ATP1B3: variants seen among roughly 807,000 people sequenced by gnomAD.
The protein encoded by ATP1B3 is sodium/potassium-transporting ATPase subunit beta-3.
In ATP1B3, 10 loss-of-function variants were observed where a neutral mutation model predicts 30.2. The observed-to-expected ratio is 0.33, with a 90% CI of 0.20 to 0.56. The LOEUF (loss-of-function observed/expected upper bound fraction) is 0.56, where lower values mean the gene tolerates loss of function less well. Ranked by LOEUF, ATP1B3 falls within the 20% of genes least tolerant of loss-of-function variation. ATP1B3 has a pLI of 0.90. For synonymous variants in ATP1B3, 113 were observed against 117.0 expected, an observed-to-expected ratio of 0.97 and a Z score of 0.22; for missense variants, 238 against 336.7, an observed-to-expected ratio of 0.71 and a Z score of 2.29.
At chr3:141,888,867 G>A (rs1479513283) in intron 1 of ATP1B3, among the ~76,000 whole-genome samples, 1 of 152,088 alleles carries the variant, frequency 6.6e-6, no homozygotes, top group Non-Finnish European at 1.5e-5. Flanking sequence ...CCATGATTGT[G>A]AGGCCTCCCC....
At position 141,925,932 on chromosome 3, in the gene ATP1B3, G is replaced by T. The variant is rs11844; in HGVS notation, c.*231G>T. On this transcript the variant is annotated 3_prime_UTR_variant, in exon 7 of 7. Coordinates refer to ENST00000286371, the MANE Select transcript of ATP1B3 (RefSeq NM_001679.4). Reference sequence around the variant, plus strand: ...AGTGTACAGTCGCCAGATAGGGACCGGTGAACACCTGATTCCAAACATGTA... The same window carrying T: ...AGTGTACAGTCGCCAGATAGGGACCTGTGAACACCTGATTCCAAACATGTA... 1.1e-5 allele frequency: 5 copies of T among 455,840 alleles called. No homozygotes were observed. The highest frequency in any genetic ancestry group is 7.6e-6 in the Non-Finnish European group (2 of 261,700). The allele number at this position is 455,840 out of a possible 1,614,324, so 28.2% of individuals were successfully genotyped here.
chr3:141,913,899 A>G, intron 4 of ATP1B3, 63 bp downstream of exon 4: 7 of 1,457,584 alleles, frequency 4.8e-6, no homozygotes, highest in East Asian at 2.3e-5. Flanking sequence ...GGAGGCAACT[A>G]TTTTTAGATT....
chr3:141,881,233 A>G (rs942948007), intron 1 of ATP1B3, among the ~76,000 whole-genome samples: 35 of 151,692 alleles, frequency 2.3e-4, no homozygotes, highest in Admixed American at 3.9e-4. Context: ...AGAAAAACCA[A>G]CTATGCCATG....
At chr3:141,880,463 A>G (rs1442964345) in intron 1 of ATP1B3, among the ~76,000 whole-genome samples, 1 of 152,236 alleles carries the variant, frequency 6.6e-6, no homozygotes, top group Admixed American at 6.5e-5. Context: ...AGGACAAAGA[A>G]AATTGAGCAC....
At chr3:141,922,338 A>G (rs1934577078) in intron 6 of ATP1B3, among the ~76,000 whole-genome samples, 1 of 152,160 alleles carries the variant, frequency 6.6e-6, no homozygotes, top group South Asian at 2.1e-4. Flanking sequence ...GCTTATGTAG[A>G]GAAAGTAGAA....
intron 1 of ATP1B3, among the ~76,000 whole-genome samples, chr3:141,898,832 C>A (rs769023453): frequency 6.6e-6 from 1 of 152,198 alleles, no homozygotes; most frequent in Non-Finnish European, 1.5e-5. Context: ...AAACAACTCA[C>A]ATGCACATCA....
Position 141,922,868 on chromosome 3 carries a change from A to C in ATP1B3, c.669+805A>C, listed in dbSNP as rs1934591115. Among the ~76,000 whole-genome samples the C allele has an allele frequency of 2.0e-5, 3 of 152,146 alleles. No individual in the cohort carries two copies. The South Asian group carries it at 6.2e-4, about 32-fold the overall frequency. The stretch of plus-strand genomic sequence containing the variant: ...GTAGTCCCAGCTGCTCGAGAGGGTG[A>C]GGCAGGAGACTGGCATGAACCTGGG... On this transcript the variant is annotated intron_variant, in intron 6 of 6. Coordinates refer to ENST00000286371, the MANE Select transcript of ATP1B3 (RefSeq NM_001679.4).
rs866324327 is a variant in ATP1B3 at position 141,921,995 on chromosome 3, G to A, written c.601G>A (p.Val201Ile). ...CVSKNEDIPN[V>I]AVYPHNGMID... ...ACTTCAGAATGAAGATATACCAAATGTAGCAGTTTATCCTCATAATGGAAT... is the reference window on the plus strand; with the variant it reads ...ACTTCAGAATGAAGATATACCAAATATAGCAGTTTATCCTCATAATGGAAT... The change falls in exon 6 of 7, where the codon GTA becomes ATA. Residue 201 changes from valine to isoleucine, a missense_variant. Around this residue, in one of 3 missense-constraint regions of ATP1B3, gnomAD observed 58 missense variants for 125.6 expected, o/e 0.46. Coordinates refer to ENST00000286371, the MANE Select transcript of ATP1B3 (RefSeq NM_001679.4). The A allele has an allele frequency of 1.3e-6, 2 of 1,539,034 alleles. No homozygotes were observed. Among genetic ancestry groups the A allele is most frequent in the Middle Eastern group, 1.7e-4 (1 of 5,890 alleles).
intron 1 of ATP1B3, among the ~76,000 whole-genome samples, chr3:141,895,584 T>C (rs1476825523): frequency 6.6e-6 from 1 of 152,238 alleles, no homozygotes; most frequent in African/African-American, 2.4e-5. Context: ...TGTATGGATA[T>C]AGCCAAATTT....
intron 5 of ATP1B3, among the ~76,000 whole-genome samples, 189 bp downstream of exon 5, chr3:141,916,209 T>C (rs905860536): frequency 6.6e-6 from 1 of 152,274 alleles, no homozygotes; most frequent in Non-Finnish European, 1.5e-5. Context: ...ACATTTTCCA[T>C]GTGTATTTGA....
At chr3:141,922,085 TG>T in intron 6 of ATP1B3, 22 bp downstream of exon 6, 1 of 1,394,548 alleles carries the variant, frequency 7.2e-7, no homozygotes, top group Middle Eastern at 1.8e-4. Flanking sequence ...GAAGTTCTTA[TG>T]TGGTGATTAC....
intron 1 of ATP1B3, among the ~76,000 whole-genome samples, chr3:141,900,312 A>G (rs1934139877): frequency 6.6e-6 from 1 of 152,126 alleles, no homozygotes; most frequent in Non-Finnish European, 1.5e-5. Context: ...AATCATACCT[A>G]CATAATGAAA....
At chr3:141,892,956 G>C (rs1054176304) in intron 1 of ATP1B3, among the ~76,000 whole-genome samples, 6 of 152,088 alleles carry the variant, frequency 3.9e-5, no homozygotes, top group African/African-American at 1.4e-4. Flanking sequence ...AAACATCTTA[G>C]ATGTTACCAG....
chr3:141,898,276 A>C (rs923587199), intron 1 of ATP1B3, among the ~76,000 whole-genome samples: 3 of 152,222 alleles, frequency 2.0e-5, no homozygotes, highest in Admixed American at 1.3e-4. Context: ...CAAAATTAAT[A>C]ACTTTTTTGC....
At chr3:141,885,043 A>T (rs1933801717) in intron 1 of ATP1B3, among the ~76,000 whole-genome samples, 1 of 152,126 alleles carries the variant, frequency 6.6e-6, no homozygotes, top group Non-Finnish European at 1.5e-5. Context: ...ATACCAGATA[A>T]CGTCATCTGG....
At chr3:141,897,794 C>T (rs1286281923) in intron 1 of ATP1B3, among the ~76,000 whole-genome samples, 3 of 152,204 alleles carry the variant, frequency 2.0e-5, no homozygotes, top group Non-Finnish European at 4.4e-5. Context: ...ACTGCAACCT[C>T]TGCCTCCTAG....
At chr3:141,888,017 T>G (rs2107765430) in intron 1 of ATP1B3, among the ~76,000 whole-genome samples, 1 of 152,358 alleles carries the variant, frequency 6.6e-6, no homozygotes, top group Non-Finnish European at 1.5e-5. Flanking sequence ...CAAAACTCAT[T>G]AAGTGGTATA....
intron 1 of ATP1B3, among the ~76,000 whole-genome samples, chr3:141,889,746 A>T (rs1344035790): frequency 0.01 from 1,026 of 100,960 alleles, 73 homozygotes; most frequent in African/African-American, 0.038. Context: ...AAAAAAAAAA[A>T]AAAAATATAT....
At chr3:141,904,376 G>A (rs933389608) in intron 2 of ATP1B3, among the ~76,000 whole-genome samples, 3 of 151,864 alleles carry the variant, frequency 2.0e-5, no homozygotes, top group Middle Eastern at 3.4e-3. Context: ...GAAGAATATA[G>A]TTATAGTTAT....
Sources: allele counts gnomAD v4.1 joint callset (sites outside exome capture counted in the v4.1 genomes callset), GRCh38; gene constraint gnomAD v4.1.1; regional missense constraint gnomAD v4.1.1; transcripts MANE v1.5; gene names NCBI Gene and HGNC (gene_info 2026-07-23, HGNC 2026-07-21).